The following TCF12 variants were observed in gnomAD, a reference collection of about 807,000 sequenced individuals.
The protein encoded by TCF12 is transcription factor 12.
A neutral mutation model predicts 86.0 loss-of-function variants in TCF12; 45 were observed. The ratio of observed to expected loss-of-function variants is 0.52; its 90% CI spans 0.41 to 0.67. TCF12 has a LOEUF of 0.67. TCF12 is among the 30% of genes least tolerant of loss of function. The probability of loss-of-function intolerance (pLI) is 0.00; values close to 1 mark genes in which losing one functional copy is unlikely to be tolerated. For synonymous variants in TCF12, 330 were observed against 299.6 expected (o/e 1.10, Z -1.05); for missense variants, 881 against 859.9 (o/e 1.02, Z -0.31).
chr15:57,073,803 C>T (rs1355868778), intron 4 of TCF12, among the ~76,000 whole-genome samples: 1 of 152,096 alleles, frequency 6.6e-6, no homozygotes, highest in Non-Finnish European at 1.5e-5. Flanking sequence ...GGCTGGAGTA[C>T]GGTGGCGCAA....
intron 6 of TCF12, among the ~76,000 whole-genome samples, chr15:57,171,082 A>T (rs1248308765): frequency 6.6e-6 from 1 of 151,782 alleles, no homozygotes; most frequent in Non-Finnish European, 1.5e-5. Context: ...AAACTATATG[A>T]TTACTGTTTA....
At chr15:56,985,269 G>A (rs2063126799) in intron 3 of TCF12, among the ~76,000 whole-genome samples, 1 of 152,156 alleles carries the variant, frequency 6.6e-6, no homozygotes, top group Non-Finnish European at 1.5e-5. Context: ...CTCTTAGGAA[G>A]TGAGCCTAGA....
chr15:57,143,635 G>C (rs563431554), intron 5 of TCF12, among the ~76,000 whole-genome samples: 1 of 152,216 alleles, frequency 6.6e-6, no homozygotes, highest in African/African-American at 2.4e-5. Context: ...CATTTGTGTG[G>C]CAATAGGTTA....
intron 5 of TCF12, among the ~76,000 whole-genome samples, chr15:57,147,267 G>A: frequency 6.6e-6 from 1 of 152,136 alleles, no homozygotes; most frequent in East Asian, 1.9e-4. Flanking sequence ...ATTACTTCTA[G>A]AAAGTTTAAT....
chr15:57,252,107 C>T, intron 14 of TCF12: 2 of 256,778 alleles, frequency 7.8e-6, no homozygotes, highest in Non-Finnish European at 7.4e-6. Context: ...CTAAGTCATG[C>T]TCTTATTCGT....
At chr15:57,232,594 G>A (rs1483011734) in intron 10 of TCF12, 118 bp from the exon 11 acceptor site, 2 of 1,439,704 alleles carry the variant, frequency 1.4e-6, no homozygotes, top group Admixed American at 2.3e-5. Flanking sequence ...ATGACAATAA[G>A]TAGTGCTCTT....
intron 4 of TCF12, among the ~76,000 whole-genome samples, chr15:57,090,282 C>T (rs1308121527): frequency 6.6e-6 from 1 of 152,052 alleles, no homozygotes; most frequent in Non-Finnish European, 1.5e-5. Flanking sequence ...AGCTAAGAGC[C>T]ATACTATTGT....
At chr15:57,170,707 T>C (rs1236445415) in intron 6 of TCF12, among the ~76,000 whole-genome samples, 1 of 14,736 alleles carries the variant, frequency 6.8e-5, no homozygotes, top group African/African-American at 3.0e-4. Flanking sequence ...TTATATATAA[T>C]ATATAATATA....
At chr15:56,919,862 C>G in intron 1 of TCF12, 30 bp from the exon 2 acceptor site, 3 of 1,603,004 alleles carry the variant, frequency 1.9e-6, no homozygotes, top group Non-Finnish European at 2.6e-6. Flanking sequence ...CCTCGGTGGT[C>G]TCTCGCTGAG....
At chr15:57,101,511 C>T (rs1314314190) in intron 5 of TCF12, among the ~76,000 whole-genome samples, 3 of 152,174 alleles carry the variant, frequency 2.0e-5, no homozygotes, top group African/African-American at 7.2e-5. Flanking sequence ...TGCCTGGCCC[C>T]TGATTTTAGG....
chr15:57,044,784 G>A lies in TCF12; in HGVS notation c.149-18966G>A, dbSNP rs544307752. Among the ~76,000 whole-genome samples, 13 of 151,984 alleles carry A rather than the reference G, an allele frequency of 8.6e-5. 1 individual carries two copies. Among genetic ancestry groups the A allele is most frequent in the African/African-American group, 1.7e-4 (7 of 41,442 alleles). On this transcript the variant is annotated intron_variant, in intron 3 of 20. Transcript: ENST00000333725. ...GAATTCATTATTTTCAAATGTTCAC[G>A]GATTTGTTATGTTTTCCATACAAAT...
chr15:57,117,862 A>AT (rs1352416199), intron 5 of TCF12, among the ~76,000 whole-genome samples: 1 of 152,160 alleles, frequency 6.6e-6, no homozygotes, highest in African/African-American at 2.4e-5. Flanking sequence ...GCTTGCAGAT[A>AT]TTTTATAAAA....
At chr15:56,945,456 A>G (rs2060953320) in intron 3 of TCF12, among the ~76,000 whole-genome samples, 2 of 151,292 alleles carry the variant, frequency 1.3e-5, no homozygotes, top group South Asian at 4.2e-4. Flanking sequence ...AATTCTCTTT[A>G]TTTTTGCTTA....
At chr15:57,033,837 C>G (rs2066347888) in intron 3 of TCF12, among the ~76,000 whole-genome samples, 1 of 152,072 alleles carries the variant, frequency 6.6e-6, no homozygotes, top group Admixed American at 6.6e-5. Context: ...AAAGTAAACA[C>G]CAGAGTAGCT....
intron 3 of TCF12, among the ~76,000 whole-genome samples, chr15:57,053,373 C>T (rs1461534386): frequency 3.9e-5 from 6 of 152,076 alleles, no homozygotes; most frequent in Admixed American, 2.6e-4. Context: ...GACGTTAACC[C>T]CTTATCAAAG....
At chr15:56,942,207 T>C (rs2060809055) in intron 3 of TCF12, among the ~76,000 whole-genome samples, 1 of 152,220 alleles carries the variant, frequency 6.6e-6, no homozygotes, top group Non-Finnish European at 1.5e-5. Context: ...AGATAATTGG[T>C]ATTTTTATGA....
rs2062016950 is a variant in TCF12, at chr15:57,288,913, A to G, written c.*2768A>G. On this transcript the variant is annotated 3_prime_UTR_variant, in exon 21 of 21. Coordinates refer to ENST00000333725, the MANE Select transcript of TCF12 (RefSeq NM_207037.2). ...CATTTCCCCATACCCTTTCTCACAAAAAAAGTGTCATAATTAAGTAATGGT... is the reference window on the plus strand; with the variant it reads ...CATTTCCCCATACCCTTTCTCACAAGAAAAGTGTCATAATTAAGTAATGGT... The G allele has an allele frequency of 6.6e-6, 1 of 152,202 alleles. No individual in the cohort carries two copies. The highest frequency in any genetic ancestry group is 2.4e-5 in the African/African-American group (1 of 41,440). The allele number at this position is 152,202 out of a possible 1,614,324, so 9.4% of individuals were successfully genotyped here. A position where few individuals can be genotyped will look rare whatever the true frequency, so the allele number is the denominator to read the frequency against.
intron 3 of TCF12, among the ~76,000 whole-genome samples, chr15:56,977,988 C>T (rs1274037764): frequency 6.6e-6 from 1 of 151,984 alleles, no homozygotes; most frequent in Non-Finnish European, 1.5e-5. Context: ...TTGACAACCG[C>T]TGCACAATAA....
In TCF12 at chr15:56,997,718, T is replaced by G. The variant is rs538674171; in HGVS notation, c.149-66032T>G. ...TAATAAAATGGTAGATTTAAGTTCT[T>G]ACACATCAGTAATTACGTTGAATTT... On this transcript the variant is annotated intron_variant, in intron 3 of 20. Coordinates refer to ENST00000333725, the MANE Select transcript of TCF12 (RefSeq NM_207037.2). Among the ~76,000 whole-genome samples, 22 of 152,348 alleles carry G rather than the reference T, an allele frequency of 1.4e-4. No individual in the cohort carries two copies. In the South Asian group the frequency reaches 4.3e-3, roughly 30 times the overall value.
Sources: gnomAD v4.1 joint callset for allele counts (sites outside exome capture counted in the v4.1 genomes callset) on GRCh38, gnomAD v4.1.1 for gene constraint, MANE v1.5 for transcripts, NCBI Gene and HGNC (gene_info 2026-07-23, HGNC 2026-07-21) for gene names.